The following KRT36 variants were observed in gnomAD, a reference collection of about 807,000 sequenced individuals.
The protein encoded by KRT36 is keratin 36, also known as keratin, type I cuticular Ha6.
In KRT36, 41 loss-of-function variants were observed where a neutral mutation model predicts 43.0. That is an observed-to-expected ratio of 0.95 (90% CI 0.74 to 1.24). The LOEUF (loss-of-function observed/expected upper bound fraction) is 1.24. Among genes scored for constraint, KRT36 ranks in the 50% most tolerant of loss-of-function variants. The pLI is 0.00. For synonymous variants in KRT36, 277 were observed against 252.9 expected (o/e 1.10, Z -0.90); for missense variants, 627 against 595.3 (o/e 1.05, Z -0.55).
At position 41,489,426 on chromosome 17, in the gene KRT36, T is replaced by C. The variant is rs780502512; in HGVS notation, c.439A>G (p.Ile147Val). 56 of 1,613,228 alleles carry C rather than the reference T, an allele frequency of 3.5e-5. No individual in the cohort carries two copies. The highest frequency in any genetic ancestry group is 4.5e-5 in the Non-Finnish European group (53 of 1,179,248). ...CPDYQSYFKTIEDFQQKILLT... is the reference protein window; with the variant it reads ...CPDYQSYFKTVEDFQQKILLT... Reference sequence around the variant, plus strand: ...CTCACCTTCTGCTGGAAATCTTCGATGGTCTTGAAGTAGGACTGGTAGTCT... The same window carrying C: ...CTCACCTTCTGCTGGAAATCTTCGACGGTCTTGAAGTAGGACTGGTAGTCT... Residue 147 changes from isoleucine to valine, a missense_variant, in exon 1 of 7, where the codon ATC becomes GTC. Physicochemically the swap from Ile to Val is conservative, Grantham distance 29. Transcript: ENST00000328119.
Position 41,488,680 on chromosome 17 carries a change from A to C in KRT36, c.504T>G (p.Ile168Met). The change falls in exon 2 of 7, where the codon ATT (isoleucine) becomes ATG (methionine). Residue 168 changes from isoleucine (I) to methionine (M), a missense_variant. By Grantham distance (10) the Ile-to-Met change is conservative. Coordinates refer to ENST00000328119, the MANE Select transcript of KRT36 (RefSeq NM_003771.5). ...CGTCAGCAGCCAGCTTGGCATTATC[A>C]ATCTGCAGGACCAGCCTGGCATTCT... is the stretch of plus-strand genomic sequence containing the variant. ...KSENARLVLQIDNAKLAADDF... is the reference protein window; with the variant it reads ...KSENARLVLQMDNAKLAADDF... The C allele has an allele frequency of 6.2e-7, 1 of 1,614,120 alleles. No individual in the cohort carries two copies.
At position 41,487,424 on chromosome 17, in the gene KRT36, C is replaced by G. The variant is rs768455467; in HGVS notation, c.914G>C (p.Cys305Ser). 42 of 1,613,898 alleles carry G rather than the reference C, an allele frequency of 2.6e-5. No homozygotes were observed. The Admixed American group carries it at 7.0e-4, about 27-fold the overall frequency. Residue 305 changes from cysteine to serine, a missense_variant, in exon 5 of 7, where the codon TGC becomes TCC. By Grantham distance (112) the Cys-to-Ser change is moderately radical (BLOSUM62 -1). Coordinates refer to ENST00000328119, the MANE Select transcript of KRT36 (RefSeq NM_003771.5). ...VVSSSEQLQC[C>S]QTEIIELRRT... ...TCTCAGCTCGATGATCTCCGTCTGG[C>G]AGCACTGCAGCTGCTCCGAGCTGGA...
At position 41,486,571 on chromosome 17, in the gene KRT36, C is replaced by G. The variant is rs760985271; in HGVS notation, c.1209G>C (p.Lys403Asn). The G allele has an allele frequency of 2.2e-5, 34 of 1,554,042 alleles. No homozygotes were observed. In the Admixed American group the frequency reaches 3.6e-4, roughly 16 times the overall value. The change falls in exon 7 of 7, where the codon AAG (lysine) becomes AAC (asparagine). Residue 403 changes from lysine to asparagine, a missense_variant and splice_region_variant. By Grantham distance (94) the Lys-to-Asn change is moderately conservative. Coordinates refer to ENST00000328119, the MANE Select transcript of KRT36 (RefSeq NM_003771.5). ...CCGTGGCACAAGGTTGGGGAGGAAG[C>G]CTGAGGAAACAAAATCATGCAGGGT... ...YRHLLEGEDC[K>N]LPPQPCATAC...
At chr17:41,489,153 A>G (rs1410507312) in intron 1 of KRT36, among the ~76,000 whole-genome samples, 3 of 152,218 alleles carry the variant, frequency 2.0e-5, no homozygotes, top group African/African-American at 7.2e-5. Flanking sequence ...TGTATCCGGT[A>G]GGGGCTTGGT....
chr17:41,487,585 G>A lies in KRT36; in HGVS notation c.852C>T (p.Phe284=). The change falls in exon 4 of 7, where the codon TTC becomes TTT. Residue 284 remains phenylalanine (F), a synonymous_variant. Coordinates refer to ENST00000328119, the MANE Select transcript of KRT36 (RefSeq NM_003771.5). The part of the protein sequence containing the change: ...ENNRRDVEAW[F]NTQTEELNQQ... ...GGCACCCCAGCCCCACCTGGGTGTT[G>A]AACCAGGCCTCCACATCTCTGCGGT... 1 of 1,614,070 alleles carries A rather than the reference G, an allele frequency of 6.2e-7. No individual in the cohort carries two copies. Among genetic ancestry groups the A allele is most frequent in the Non-Finnish European group, 8.5e-7 (1 of 1,179,946 alleles).
chr17:41,488,583 G>C (rs1199711248), intron 2 of KRT36, 59 bp downstream of exon 2: 2 of 1,559,758 alleles, frequency 1.3e-6, no homozygotes, highest in Non-Finnish European at 1.8e-6. Context: ...AGCTCCCAAA[G>C]GCAGGGGACA....
In KRT36 at chr17:41,486,508, CG is replaced by C; in HGVS notation, c.1271del (p.Pro424ArgfsTer98). 8 of 1,610,328 alleles carry C rather than the reference CG, an allele frequency of 5.0e-6. No homozygotes were observed. The highest frequency in any genetic ancestry group is 5.9e-6 in the Non-Finnish European group (7 of 1,178,498). ...AGGGCACAGAGGGGACACAGGGCAC[CG>C]GGGGGACAGAAGGAACTCTAATAAC... ...KPVIRVPSVP[P>X]VPCVPSVPCT... On this transcript the variant is annotated frameshift_variant, in exon 7 of 7. Transcript: ENST00000328119. LOFTEE classifies it low-confidence loss of function (END_TRUNC).
Position 41,487,005 on chromosome 17 carries a change from G to A in KRT36, c.1153C>T (p.Arg385Trp), listed in dbSNP as rs763547673. The part of the protein sequence containing the change: ...EYQVLLDVKA[R>W]LEGEIATYRH... ...TAGGTAGCGATCTCGCCCTCCAGCCGGGCCTTGACGTCCAGTAACACCTGG... is the reference window on the plus strand; with the variant it reads ...TAGGTAGCGATCTCGCCCTCCAGCCAGGCCTTGACGTCCAGTAACACCTGG... Residue 385 changes from arginine to tryptophan, a missense_variant, in exon 6 of 7, where the codon CGG becomes TGG. Arg to Trp is a moderately radical substitution (Grantham distance 101). Coordinates refer to ENST00000328119, the MANE Select transcript of KRT36 (RefSeq NM_003771.5). 63 of 1,613,892 alleles carry A rather than the reference G, an allele frequency of 3.9e-5. No homozygotes were observed. Among genetic ancestry groups the A allele is most frequent in the Non-Finnish European group, 5.3e-5 (63 of 1,180,022 alleles).
chr17:41,486,295 A>G lies in KRT36; in HGVS notation c.*81T>C. The G allele has an allele frequency of 8.5e-7, 1 of 1,182,776 alleles. No individual in the cohort carries two copies. 73.3% of individuals were successfully genotyped at this position (1,182,776 alleles called of 1,614,324 possible). A position where few individuals can be genotyped will look rare whatever the true frequency, so the allele number is the denominator to read the frequency against. On this transcript the variant is annotated 3_prime_UTR_variant, in exon 7 of 7. Transcript: ENST00000328119. ...TAGGGGGACCCCTCTAGAGAAGGGCAGGGTCGTTAAGCCTCCAGGAGCCAC... is the reference window on the plus strand; with the variant it reads ...TAGGGGGACCCCTCTAGAGAAGGGCGGGGTCGTTAAGCCTCCAGGAGCCAC...
chr17:41,486,514 G>A lies in KRT36; in HGVS notation c.1266C>T (p.Val422=), dbSNP rs149830161. The stretch of plus-strand genomic sequence containing the variant: ...CAGAGGGGACACAGGGCACCGGGGG[G>A]ACAGAAGGAACTCTAATAACAGGCT... The part of the protein sequence containing the change: ...ACKPVIRVPS[V]PPVPCVPSVP... Residue 422 remains valine (V), a synonymous_variant, in exon 7 of 7, where the codon GTC becomes GTT. Coordinates refer to ENST00000328119, the MANE Select transcript of KRT36 (RefSeq NM_003771.5). 8.1e-6 allele frequency: 13 copies of A among 1,608,550 alleles called. No individual in the cohort carries two copies. In the African/African-American group the frequency reaches 1.2e-4, roughly 15 times the overall value.
chr17:41,486,504 G>A lies in KRT36; in HGVS notation c.1276C>T (p.Pro426Ser), dbSNP rs1904386423. ...GTGCAGGGCACAGAGGGGACACAGG[G>A]CACCGGGGGGACAGAAGGAACTCTA... is the stretch of plus-strand genomic sequence containing the variant. ...VIRVPSVPPV[P>S]CVPSVPCTPA... The change falls in exon 7 of 7, where the codon CCC becomes TCC. Residue 426 changes from proline to serine, a missense_variant. Pro to Ser is a moderately conservative substitution (Grantham distance 74). Transcript: ENST00000328119. 1 of 1,611,474 alleles carries A rather than the reference G, an allele frequency of 6.2e-7. No homozygotes were observed. The highest frequency in any genetic ancestry group is 8.5e-7 in the Non-Finnish European group (1 of 1,178,954).
chr17:41,487,775 AAG>A, intron 3 of KRT36, 38 bp from the exon 4 acceptor site: 1 of 1,576,238 alleles, frequency 6.3e-7, no homozygotes, highest in Non-Finnish European at 8.6e-7. Context: ...GGTTGTGAAA[AAG>A]ATGCTGGATT....
chr17:41,486,767 A>G (rs975577784), intron 6 of KRT36, among the ~76,000 whole-genome samples, 183 bp downstream of exon 6: 1 of 152,140 alleles, frequency 6.6e-6, no homozygotes, highest in African/African-American at 2.4e-5. Flanking sequence ...GGCGGAAAAC[A>G]CGCGGCGTGT....
intron 3 of KRT36, 116 bp downstream of exon 3, chr17:41,488,127 C>A (rs764977302): frequency 1.6e-5 from 16 of 983,758 alleles, no homozygotes; most frequent in Admixed American, 1.2e-4. Context: ...TGAAATGAAA[C>A]GAGAATGAAA....
chr17:41,489,197 G>C (rs1050429952), intron 1 of KRT36, among the ~76,000 whole-genome samples: 1 of 152,168 alleles, frequency 6.6e-6, no homozygotes, highest in African/African-American at 2.4e-5. Flanking sequence ...CAAGGGGAGG[G>C]GGGTGAGGAA....
At chr17:41,487,890 G>A (rs753809614) in intron 3 of KRT36, among the ~76,000 whole-genome samples, 153 bp from the exon 4 acceptor site, 7 of 152,152 alleles carry the variant, frequency 4.6e-5, no homozygotes, top group Admixed American at 2.6e-4. Flanking sequence ...CTCCTTCTCC[G>A]TATATACCTA....
At position 41,486,444 on chromosome 17, in the gene KRT36, T is replaced by C; in HGVS notation, c.1336A>G (p.Ile446Val). ...APQVGTQIRT[I>V]TEEIRDGKVI... ...TTCCCATCTCTGATCTCCTCGGTGA[T>C]GGTGCGGATCTGAGTGCCAACCTGG... The change falls in exon 7 of 7, where the codon ATC (isoleucine) becomes GTC (valine). Residue 446 changes from isoleucine to valine, a missense_variant. Coordinates refer to ENST00000328119, the MANE Select transcript of KRT36 (RefSeq NM_003771.5). 1.2e-6 allele frequency: 2 copies of C among 1,614,100 alleles called. No homozygotes were observed. The highest frequency in any genetic ancestry group is 1.7e-6 in the Non-Finnish European group (2 of 1,180,008).
At position 41,486,475 on chromosome 17, in the gene KRT36, CG is replaced by C. The variant is rs1267169518; in HGVS notation, c.1304del (p.Pro435ArgfsTer87). On this transcript the variant is annotated frameshift_variant, in exon 7 of 7. Coordinates refer to ENST00000328119, the MANE Select transcript of KRT36 (RefSeq NM_003771.5). LOFTEE classifies it high-confidence loss of function. ...VPCVPSVPCTPAPQVGTQIRT... is the reference protein window; with the variant it reads ...VPCVPSVPCTXAPQVGTQIRT... ...GGATCTGAGTGCCAACCTGGGGAGC[CG>C]GGGTGCAGGGCACAGAGGGGACACA... 5.0e-6 allele frequency: 8 copies of C among 1,613,736 alleles called. No individual in the cohort carries two copies. The highest frequency in any genetic ancestry group is 6.8e-6 in the Non-Finnish European group (8 of 1,179,930).
In KRT36 at chr17:41,486,499, A is replaced by G. The variant is rs372893439; in HGVS notation, c.1281T>C (p.Cys427=). ...CCGGGGTGCAGGGCACAGAGGGGAC[A>G]CAGGGCACCGGGGGGACAGAAGGAA... ...IRVPSVPPVP[C]VPSVPCTPAP... Residue 427 remains cysteine (C), a synonymous_variant, in exon 7 of 7, where the codon TGT becomes TGC. Transcript: ENST00000328119. The G allele has an allele frequency of 7.4e-6, 12 of 1,613,034 alleles. No homozygotes were observed. The highest frequency in any genetic ancestry group is 1.0e-5 in the Non-Finnish European group (12 of 1,179,590).
Sources: gnomAD v4.1 joint callset for allele counts (sites outside exome capture counted in the v4.1 genomes callset) on GRCh38, gnomAD v4.1.1 for gene constraint, MANE v1.5 for transcripts, NCBI Gene and HGNC (gene_info 2026-07-23, HGNC 2026-07-21) for gene names.